Variants in PPARGC1A observed in about 807,000 individuals in gnomAD.
PPARGC1A encodes the protein peroxisome proliferator-activated receptor gamma coactivator 1-alpha.
In PPARGC1A, 25 loss-of-function variants were observed where a neutral mutation model predicts 88.7. That is an observed-to-expected ratio of 0.28 (90% confidence interval 0.21 to 0.39). The LOEUF (loss-of-function observed/expected upper bound fraction) is 0.39. Ranked by LOEUF, PPARGC1A falls within the 10% of genes least tolerant of loss-of-function variation. The probability of loss-of-function intolerance (pLI) is 1.00; values close to 1 mark genes in which losing one functional copy is unlikely to be tolerated. For synonymous variants in PPARGC1A, 363 were observed against 355.6 expected, an observed-to-expected ratio of 1.02 and a Z score of -0.24; for missense variants, 880 against 968.7, an observed-to-expected ratio of 0.91 and a Z score of 1.22.
chr4:24,203,297 G>A, the PPARGC1A span, among the ~76,000 whole-genome samples: 1 of 152,138 alleles, frequency 6.6e-6, no homozygotes, highest in Admixed American at 6.5e-5. Flanking sequence ...CCAGCACTTT[G>A]GGAGGCCAAG....
chr4:24,127,087 C>T, the PPARGC1A span, among the ~76,000 whole-genome samples: 4 of 152,160 alleles, frequency 2.6e-5, no homozygotes, highest in African/African-American at 9.7e-5. Context: ...ACTAAATGAA[C>T]TGGATAATTA....
At chr4:23,800,110 C>T (rs142151748) in intron 12 of PPARGC1A, among the ~76,000 whole-genome samples, 2 of 152,278 alleles carry the variant, frequency 1.3e-5, no homozygotes, top group African/African-American at 4.8e-5. Flanking sequence ...TCTAGGAAGA[C>T]ATCCCTTCGT....
chr4:24,209,724 T>G, the PPARGC1A span, among the ~76,000 whole-genome samples: 1 of 152,202 alleles, frequency 6.6e-6, no homozygotes, highest in African/African-American at 2.4e-5. Flanking sequence ...TCCATTCATA[T>G]CTCTGCATCT....
the PPARGC1A span, among the ~76,000 whole-genome samples, chr4:24,471,983 G>A: frequency 1.3e-5 from 2 of 152,216 alleles, no homozygotes; most frequent in East Asian, 3.9e-4. This position sits in a 1 kb window ranked among gnomAD's most constrained non-coding sequence, Gnocchi z 5.4. Context: ...CTGGAAGGCG[G>A]GTAGGCGCCG....
chr4:24,319,670 T>C, the PPARGC1A span, among the ~76,000 whole-genome samples: 9 of 152,250 alleles, frequency 5.9e-5, no homozygotes, highest in Non-Finnish European at 4.4e-5. Context: ...AGCTTTACTT[T>C]TTGATAGAAT....
the PPARGC1A span, among the ~76,000 whole-genome samples, chr4:24,472,450 G>A: frequency 6.0e-4 from 91 of 152,160 alleles, no homozygotes; most frequent in African/African-American, 2.1e-3. The surrounding 1 kb of genome is among the most constrained non-coding windows in gnomAD (Gnocchi z 4.5). Flanking sequence ...CCGACAGCCC[G>A]CAGCCCGCCA....
the PPARGC1A span, among the ~76,000 whole-genome samples, chr4:24,459,676 G>A: frequency 6.6e-6 from 1 of 152,168 alleles, no homozygotes; most frequent in South Asian, 2.1e-4. Flanking sequence ...TGTAGTCCAA[G>A]CCACTCAGGA....
At chr4:24,150,971 A>G in the PPARGC1A span, among the ~76,000 whole-genome samples, 1 of 152,094 alleles carries the variant, frequency 6.6e-6, no homozygotes, top group Admixed American at 6.6e-5. Flanking sequence ...ATGCTGTTCC[A>G]ATTGCAGTTT....
chr4:24,191,006 G>A, the PPARGC1A span, among the ~76,000 whole-genome samples: 3 of 152,158 alleles, frequency 2.0e-5, no homozygotes, highest in African/African-American at 4.8e-5. Flanking sequence ...CAGATTCCAC[G>A]AGATAAAAGG....
intron 12 of PPARGC1A, among the ~76,000 whole-genome samples, chr4:23,798,427 A>T (rs887973965): frequency 5.3e-5 from 8 of 152,160 alleles, no homozygotes; most frequent in African/African-American, 1.9e-4. Context: ...CAAACACCAA[A>T]ATATTATTAA....
At chr4:24,007,459 T>C in the PPARGC1A span, among the ~76,000 whole-genome samples, 1 of 152,100 alleles carries the variant, frequency 6.6e-6, no homozygotes, top group Admixed American at 6.5e-5. Flanking sequence ...AAGGACTCCA[T>C]GGAGAGGTGC....
the PPARGC1A span, among the ~76,000 whole-genome samples, chr4:24,019,301 G>A: frequency 5.3e-5 from 8 of 152,126 alleles, no homozygotes; most frequent in South Asian, 1.2e-3. Flanking sequence ...TTATTGAGGT[G>A]TTACTTTATG....
chr4:23,816,532 C>T (rs1305822601), intron 7 of PPARGC1A, among the ~76,000 whole-genome samples: 5 of 140,142 alleles, frequency 3.6e-5, no homozygotes, highest in Admixed American at 3.0e-4. Context: ...ACTTGCAATT[C>T]CCAGCGAGAT....
chr4:24,352,512 A>G, the PPARGC1A span, among the ~76,000 whole-genome samples: 1 of 152,150 alleles, frequency 6.6e-6, no homozygotes, highest in African/African-American at 2.4e-5. Context: ...GTTCATCCCC[A>G]CATCTCAGGG....
At chr4:23,867,034 G>C (rs868499915) in intron 2 of PPARGC1A, among the ~76,000 whole-genome samples, 2 of 152,100 alleles carry the variant, frequency 1.3e-5, no homozygotes, top group Non-Finnish European at 2.9e-5. Flanking sequence ...TAAGAGGTGG[G>C]AAGTGCAGTT....
At chr4:24,271,194 G>A in the PPARGC1A span, among the ~76,000 whole-genome samples, 3 of 152,128 alleles carry the variant, frequency 2.0e-5, no homozygotes, top group Admixed American at 6.5e-5. Context: ...GCATGCAGGG[G>A]TCTACTGCTC....
At chr4:24,436,146 G>T in the PPARGC1A span, among the ~76,000 whole-genome samples, 16 of 152,166 alleles carry the variant, frequency 1.1e-4, no homozygotes, top group Non-Finnish European at 1.5e-5. Flanking sequence ...TTCCCAGCCA[G>T]GATAAAAGTG....
chr4:23,971,436 C>T, the PPARGC1A span, among the ~76,000 whole-genome samples: 18 of 152,176 alleles, frequency 1.2e-4, no homozygotes, highest in African/African-American at 3.1e-4. Flanking sequence ...AAATATATAA[C>T]GGGGAGTTTA....
the PPARGC1A span, among the ~76,000 whole-genome samples, chr4:24,216,663 C>T: frequency 2.0e-5 from 3 of 150,672 alleles, no homozygotes; most frequent in Non-Finnish European, 2.9e-5. Context: ...GCCCTAGTCT[C>T]TTCCTTATTT....
Sources: gnomAD v4.1 joint callset for allele counts (sites outside exome capture counted in the v4.1 genomes callset) on GRCh38, gnomAD v4.1.1 for gene constraint, Gnocchi (gnomAD v3.1) non-coding constraint, MANE v1.5 for transcripts, NCBI Gene and HGNC (gene_info 2026-07-23, HGNC 2026-07-21) for gene names.